TG: variants seen among roughly 807,000 people sequenced by gnomAD.
The protein encoded by TG is thyroglobulin.
In TG, 270 loss-of-function variants were observed where a neutral mutation model predicts 324.7. The ratio of observed to expected loss-of-function variants is 0.83; its 90% CI spans 0.75 to 0.92. The LOEUF (loss-of-function observed/expected upper bound fraction) is 0.92, where lower values mean the gene tolerates loss of function less well. Ranked by LOEUF, TG falls within the 40% of genes least tolerant of loss-of-function variation. TG has a pLI of 0.00. For missense variants in TG, 3,591 were observed against 3,456.4 expected (o/e 1.04, Z -0.98); for synonymous variants, 1,401 against 1,327.0 (o/e 1.06, Z -1.21).
chr8:133,001,186 T>G (rs1833452922), intron 35 of TG, among the ~76,000 whole-genome samples: 1 of 151,926 alleles, frequency 6.6e-6, no homozygotes, highest in African/African-American at 2.4e-5. Context: ...GGTCACATCC[T>G]GAGGACCTAC....
intron 23 of TG, 127 bp from the exon 24 acceptor site, chr8:132,933,434 T>TTGTGTGGG (rs1823084224): frequency 1.7e-6 from 1 of 601,758 alleles, no homozygotes; most frequent in African/African-American, 2.1e-5. Context: ...ATCTGCATAT[T>TTGTGTGGG]TGTGTGTGTG....
intron 45 of TG, among the ~76,000 whole-genome samples, chr8:133,128,337 GCACACACACACA>G (rs59451880): frequency 0.013 from 1,721 of 133,794 alleles, 35 homozygotes; most frequent in African/African-American, 0.041. Context: ...CAAAAGGCGT[GCACACACACACA>G]CACACACACA....
At position 133,096,228 on chromosome 8, in the gene TG, TCCA is replaced by T. The variant is rs777454265; in HGVS notation, c.7429_7431del (p.His2477del). On this transcript the variant is annotated inframe_deletion, in exon 43 of 48. Coordinates refer to ENST00000220616, the MANE Select transcript of TG (RefSeq NM_003235.5). The stretch of plus-strand genomic sequence containing the variant: ...CAGCTCCTGGCCGTGAGTGGCCCTT[TCCA>T]CTACTGGGGTCCTGTGATCGATGGC... 3.1e-6 allele frequency: 5 copies of T among 1,614,224 alleles called. No homozygotes were observed. The South Asian group carries it at 5.5e-5, about 18-fold the overall frequency.
At position 133,012,137 on chromosome 8, in the gene TG, C is replaced by G. The variant is rs1049203765; in HGVS notation, c.6397+102C>G. 1.8e-5 allele frequency: 28 copies of G among 1,535,108 alleles called. No individual in the cohort carries two copies. In the African/African-American group the frequency reaches 3.7e-4, roughly 20 times the overall value. ...AAAACACATGAGACACTACGATAAC[C>G]TAGGATGCTTGGAAGTAAGGGATTA... On this transcript the variant is annotated intron_variant, in intron 36 of 47. Coordinates refer to ENST00000220616, the MANE Select transcript of TG (RefSeq NM_003235.5).
At chr8:133,069,884 C>T (rs967998181) in intron 41 of TG, among the ~76,000 whole-genome samples, 3 of 151,358 alleles carry the variant, frequency 2.0e-5, no homozygotes, top group African/African-American at 7.3e-5. Flanking sequence ...TGCTGAAATC[C>T]CAGCTACTTG....
chr8:133,101,225 G>T (rs770997481), intron 43 of TG, among the ~76,000 whole-genome samples: 4 of 152,298 alleles, frequency 2.6e-5, no homozygotes, highest in Non-Finnish European at 5.9e-5. Context: ...ACACAGAACT[G>T]CAAGAGGGCA....
At chr8:132,993,015 G>A (rs1021440656) in intron 35 of TG, among the ~76,000 whole-genome samples, 5 of 152,162 alleles carry the variant, frequency 3.3e-5, no homozygotes, top group African/African-American at 1.2e-4. Context: ...AATATTTACC[G>A]AATGAATGAA....
At chr8:132,911,346 T>C in intron 18 of TG, 31 bp from the exon 19 acceptor site, 2 of 1,614,192 alleles carry the variant, frequency 1.2e-6, no homozygotes, top group Non-Finnish European at 1.7e-6. Context: ...TACTCTGTGT[T>C]CTTGAGCTGA....
chr8:133,098,065 A>AT (rs1226267572), intron 43 of TG, among the ~76,000 whole-genome samples: 1 of 151,998 alleles, frequency 6.6e-6, no homozygotes, highest in Non-Finnish European at 1.5e-5. Context: ...CCATTTCAAC[A>AT]TTTTTTCTGC....
chr8:132,977,847 A>G (rs959215029), intron 34 of TG, among the ~76,000 whole-genome samples: 1 of 152,186 alleles, frequency 6.6e-6, no homozygotes, highest in African/African-American at 2.4e-5. Flanking sequence ...CCTGTTTCTG[A>G]GGAATTGCCA....
intron 35 of TG, chr8:132,995,607 G>GCATCTGAACTCCTCTTTCAT: frequency 1.2e-6 from 1 of 831,154 alleles, no homozygotes; most frequent in Non-Finnish European, 1.5e-6. Flanking sequence ...CCATGAAAGA[G>GCATCTGAACTCCTCTTTCAT]GAGTTCAGAT....
In TG at chr8:133,133,569, G is replaced by A; in HGVS notation, c.8097G>A (p.Glu2699=). ...GTGCTGGTGGAGAGAACTACAAGGA[G>A]TTCAGTGAGCTGCTCCCCAATCGAC... The part of the protein sequence containing the change: ...VPRAGGENYK[E]FSELLPNRQG... The change falls in exon 47 of 48, where the codon GAG becomes GAA. Residue 2699 remains glutamate, a synonymous_variant. Transcript: ENST00000220616. 1 of 1,614,224 alleles carries A rather than the reference G, an allele frequency of 6.2e-7. No individual in the cohort carries two copies. Among genetic ancestry groups the A allele is most frequent in the Non-Finnish European group, 8.5e-7 (1 of 1,180,040 alleles).
At chr8:132,958,710 C>CAAAAAAA (rs34843766) in intron 27 of TG, among the ~76,000 whole-genome samples, 4 of 148,072 alleles carry the variant, frequency 2.7e-5, no homozygotes, top group Non-Finnish European at 6.0e-5. Context: ...GACTTTGTCT[C>CAAAAAAA]AAAAAAAAAA....
chr8:132,948,826 GTCAAAGACTGGATGGA>G lies in TG; in HGVS notation c.5287_5302del (p.Lys1763ProfsTer13), dbSNP rs1309016635. ...CTCACCCAGTGTCCTGCTTTGTAAT[GTCAAAGACTGGATGGA>G]TCCCTCTGAAGCCTGGGCTAATGCT... On this transcript the variant is annotated frameshift_variant, in exon 27 of 48. Transcript: ENST00000220616. LOFTEE classifies it high-confidence loss of function. 6.8e-6 allele frequency: 11 copies of G among 1,613,854 alleles called. No homozygotes were observed. Among genetic ancestry groups the G allele is most frequent in the African/African-American group, 1.3e-5 (1 of 74,766 alleles).
At chr8:132,969,959 C>T (rs1829261780) in intron 32 of TG, among the ~76,000 whole-genome samples, 2 of 140,502 alleles carry the variant, frequency 1.4e-5, no homozygotes, top group Non-Finnish European at 3.1e-5. Context: ...AAATCCAAAG[C>T]TAAGGGGGTA....
At chr8:132,982,225 A>C (rs1039462427) in intron 34 of TG, among the ~76,000 whole-genome samples, 1 of 152,150 alleles carries the variant, frequency 6.6e-6, no homozygotes, top group Admixed American at 6.5e-5. Flanking sequence ...ATTTGCTCAA[A>C]GTTACACAGC....
chr8:132,967,772 C>G (rs1229058965), intron 30 of TG, 22 bp from the exon 31 acceptor site: 2 of 1,612,904 alleles, frequency 1.2e-6, no homozygotes, highest in African/African-American at 2.7e-5. Context: ...AAACTAAAAT[C>G]ACACTACTCT....
At chr8:132,933,048 G>A (rs112916000) in intron 23 of TG, among the ~76,000 whole-genome samples, 50 of 152,280 alleles carry the variant, frequency 3.3e-4, no homozygotes, top group African/African-American at 8.7e-4. Context: ...ACGGAGCTGT[G>A]CTTCAGTTCC....
Position 132,967,872 on chromosome 8 carries a change from A to G in TG, c.5765A>G (p.Tyr1922Cys). The change falls in exon 31 of 48, where the codon TAC becomes TGC. Residue 1922 changes from tyrosine to cysteine, a missense_variant. Tyr to Cys is a radical substitution (Grantham distance 194). Transcript: ENST00000220616. The part of the protein sequence containing the change: ...SASLYFTCTL[Y>C]PEAQVCDDIM... ...TCCTTGTACTTCACCTGCACCCTCT[A>G]CCCAGAGGCACAGGTGTGTGATGAC... is the stretch of plus-strand genomic sequence containing the variant. The G allele has an allele frequency of 1.9e-6, 3 of 1,613,798 alleles. No individual in the cohort carries two copies. The highest frequency in any genetic ancestry group is 2.5e-6 in the Non-Finnish European group (3 of 1,179,876).
Sources: gnomAD v4.1 joint callset for allele counts (sites outside exome capture counted in the v4.1 genomes callset) on GRCh38, gnomAD v4.1.1 for gene constraint, MANE v1.5 for transcripts, NCBI Gene and HGNC (gene_info 2026-07-23, HGNC 2026-07-21) for gene names.